SEPTIN9: variants seen among roughly 807,000 people sequenced by gnomAD.
SEPTIN9 encodes the protein septin 9, also known as septin-9.
A neutral mutation model predicts 56.6 loss-of-function variants in SEPTIN9; 13 were observed. That is an observed-to-expected ratio of 0.23 (90% CI 0.15 to 0.37). The LOEUF (loss-of-function observed/expected upper bound fraction) is 0.37, where lower values mean the gene tolerates loss of function less well. Ranked by LOEUF, SEPTIN9 falls within the 10% of genes least tolerant of loss-of-function variation. The pLI, the probability that SEPTIN9 is intolerant of heterozygous loss-of-function variation, is 1.00. For missense variants in SEPTIN9, 650 were observed against 823.1 expected (o/e 0.79, Z 2.57); for synonymous variants, 332 against 334.1 (o/e 0.99, Z 0.07).
intron 3 of SEPTIN9, among the ~76,000 whole-genome samples, chr17:77,417,949 G>T (rs1013568669): frequency 6.6e-6 from 1 of 152,200 alleles, no homozygotes; most frequent in African/African-American, 2.4e-5. Flanking sequence ...CTCGGGGTCT[G>T]GTGGCACCTG....
intron 2 of SEPTIN9, among the ~76,000 whole-genome samples, chr17:77,394,250 AAGG>A (rs2035633825): frequency 6.6e-6 from 1 of 152,174 alleles, no homozygotes; most frequent in Admixed American, 6.5e-5. Flanking sequence ...GAGTGAAGAC[AAGG>A]AGGTGCCCAT....
At chr17:77,379,670 C>T (rs960586648) in intron 2 of SEPTIN9, among the ~76,000 whole-genome samples, 1 of 152,236 alleles carries the variant, frequency 6.6e-6, no homozygotes, top group Non-Finnish European at 1.5e-5. Flanking sequence ...GTTGCCATCT[C>T]TTCCCTTTGC....
At chr17:77,373,810 C>CT in intron 2 of SEPTIN9, 1 of 525,438 alleles carries the variant, frequency 1.9e-6, no homozygotes, top group Non-Finnish European at 3.0e-6. Flanking sequence ...GTTCTGCGCA[C>CT]TGCCGCCTGG....
chr17:77,416,808 C>T (rs1241152629), intron 3 of SEPTIN9, among the ~76,000 whole-genome samples: 2 of 152,190 alleles, frequency 1.3e-5, no homozygotes, highest in African/African-American at 2.4e-5. Context: ...GTCTCTGACA[C>T]TCCCAGTCAC....
intron 1 of SEPTIN9, among the ~76,000 whole-genome samples, chr17:77,285,969 G>A (rs1172904814): frequency 1.3e-5 from 2 of 152,232 alleles, no homozygotes; most frequent in Admixed American, 6.5e-5. Flanking sequence ...GGTGACAGGC[G>A]AGCGTGGGAA....
intron 3 of SEPTIN9, among the ~76,000 whole-genome samples, chr17:77,447,655 C>T (rs895463485): frequency 5.9e-5 from 9 of 152,330 alleles, no homozygotes; most frequent in African/African-American, 1.7e-4. Context: ...GACGAAGTCT[C>T]GCTCTGTCGC....
chr17:77,304,668 C>T (rs1378843416), intron 1 of SEPTIN9, among the ~76,000 whole-genome samples: 12 of 152,244 alleles, frequency 7.9e-5, no homozygotes, highest in Admixed American at 6.5e-4. Context: ...CTTTGCTGGG[C>T]GGCCCCTCCT....
At position 77,500,349 on chromosome 17, in the gene SEPTIN9, G is replaced by A; in HGVS notation, c.*1691G>A. Reference sequence around the variant, plus strand: ...TGGCCAGCGCCAGGGCCCAGGCCATGTGGCCTGCCCAGCCTCAATGTCACT... The same window carrying A: ...TGGCCAGCGCCAGGGCCCAGGCCATATGGCCTGCCCAGCCTCAATGTCACT... On this transcript the variant is annotated 3_prime_UTR_variant, in exon 12 of 12. Coordinates refer to ENST00000427177, the MANE Select transcript of SEPTIN9 (RefSeq NM_001113491.2). The A allele has an allele frequency of 4.5e-6, 1 of 223,106 alleles. No individual in the cohort carries two copies. Among genetic ancestry groups the A allele is most frequent in the Middle Eastern group, 1.4e-3 (1 of 724 alleles). 13.8% of individuals were successfully genotyped at this position (223,106 alleles called of 1,614,324 possible).
intron 2 of SEPTIN9, among the ~76,000 whole-genome samples, chr17:77,390,611 C>T (rs2035507681): frequency 6.6e-6 from 1 of 151,698 alleles, no homozygotes; most frequent in African/African-American, 2.4e-5. Context: ...GCCACCACGC[C>T]CGGCTAATTT....
Position 77,350,410 on chromosome 17 carries a change from C to T in SEPTIN9, c.76+43213C>T, listed in dbSNP as rs1321998035. On this transcript the variant is annotated intron_variant, in intron 2 of 11. Coordinates refer to ENST00000427177, the MANE Select transcript of SEPTIN9 (RefSeq NM_001113491.2). ...TAGCTGGGGGGCTACCAGTGGCATG[C>T]AGGAGGCCCACATGACCACTGTTTG... Among the ~76,000 whole-genome samples the T allele has an allele frequency of 2.0e-5, 3 of 152,356 alleles. No homozygotes were observed. In the East Asian group the frequency reaches 5.8e-4, roughly 29 times the overall value.
chr17:77,497,617 TC>T, intron 11 of SEPTIN9: 1 of 580,680 alleles, frequency 1.7e-6, no homozygotes, highest in African/African-American at 1.9e-5. Flanking sequence ...TGAGCTTTGA[TC>T]CACTGTGGTC....
rs1025349305 is a variant in SEPTIN9, at chr17:77,319,952, C to A, written c.76+12755C>A. 7 of 1,165,576 alleles carry A rather than the reference C, an allele frequency of 6.0e-6. No homozygotes were observed. Among genetic ancestry groups the A allele is most frequent in the Non-Finnish European group, 7.4e-6 (7 of 941,128 alleles). The allele number at this position is 1,165,576 out of a possible 1,614,324, so 72.2% of individuals were successfully genotyped here. A position where few individuals can be genotyped will look rare whatever the true frequency, so the allele number is the denominator to read the frequency against. On this transcript the variant is annotated intron_variant, in intron 2 of 11. Transcript: ENST00000427177. This position sits in a 1 kb window ranked among gnomAD's most constrained non-coding sequence, Gnocchi z 5.3. Reference sequence around the variant, plus strand: ...GGACCTCTGCAGCCACCGACCAGACCGGGCGGCCGGGACTCTGGGACTCTC... The same window carrying A: ...GGACCTCTGCAGCCACCGACCAGACAGGGCGGCCGGGACTCTGGGACTCTC...
chr17:77,466,882 G>A (rs1341970294), intron 3 of SEPTIN9, among the ~76,000 whole-genome samples: 1 of 152,112 alleles, frequency 6.6e-6, no homozygotes, highest in Non-Finnish European at 1.5e-5. Flanking sequence ...GCACAGCACC[G>A]GTCAGCCCTG....
rs1338545788 is a variant in SEPTIN9 at position 77,389,692 on chromosome 17, AC to A, written c.77-12366del. Among the ~76,000 whole-genome samples, 2 of 151,410 alleles carry A rather than the reference AC, an allele frequency of 1.3e-5. No homozygotes were observed. The highest frequency in any genetic ancestry group is 2.9e-5 in the Non-Finnish European group (2 of 67,838). On this transcript the variant is annotated intron_variant, in intron 2 of 11. Coordinates refer to ENST00000427177, the MANE Select transcript of SEPTIN9 (RefSeq NM_001113491.2). The surrounding 1 kb of genome is among the most constrained non-coding windows in gnomAD (Gnocchi z 4.3). ...ACCCTTCTGCTGCCTTCCACCAGGG[AC>A]GGAGGGTGGGCGGCCCTCCCACCCA... is the stretch of plus-strand genomic sequence containing the variant.
At chr17:77,403,915 G>A (rs137991624) in intron 3 of SEPTIN9, among the ~76,000 whole-genome samples, 14 of 152,216 alleles carry the variant, frequency 9.2e-5, no homozygotes, top group Non-Finnish European at 1.3e-4. Flanking sequence ...CTCCGTCCCC[G>A]TTAGACCAAG....
At chr17:77,287,062 C>T (rs546285041) in intron 1 of SEPTIN9, among the ~76,000 whole-genome samples, 27 of 152,382 alleles carry the variant, frequency 1.8e-4, no homozygotes, top group Admixed American at 3.9e-4. Flanking sequence ...GCTGTGGCCC[C>T]ATGGCTCACT....
At chr17:77,498,385 G>A (rs932685476) in intron 11 of SEPTIN9, 138 bp from the exon 12 acceptor site, 2 of 647,890 alleles carry the variant, frequency 3.1e-6, no homozygotes, top group Non-Finnish European at 5.5e-6. Context: ...ACCCCATGGG[G>A]AGCCAAGCAG....
In SEPTIN9 at chr17:77,381,932, G is replaced by A. The variant is rs143579580; in HGVS notation, c.77-20127G>A. 2.7e-3 allele frequency among the ~76,000 whole-genome samples: 410 copies of A among 152,320 alleles called. 1 individual carries two copies. Among genetic ancestry groups the A allele is most frequent in the African/African-American group, 9.4e-3 (392 of 41,580 alleles). ...GGGTAGAACGGGAGGGCTTCCTGGA[G>A]GAAGGCTTCCTAACCAGAGACCGGG... On this transcript the variant is annotated intron_variant, in intron 2 of 11. Coordinates refer to ENST00000427177, the MANE Select transcript of SEPTIN9 (RefSeq NM_001113491.2).
rs138211391 is a variant in SEPTIN9 at position 77,382,258 on chromosome 17, A to C, written c.77-19801A>C. 7.9e-3 allele frequency among the ~76,000 whole-genome samples: 1,198 copies of C among 152,154 alleles called. 13 individuals are homozygous for C. The highest frequency in any genetic ancestry group is 0.026 in the African/African-American group (1,094 of 41,508). ...TGGCCAGGCTGGTCTCAAACTCCTT[A>C]CCTCAGGTGATCCGCCCACCTTGGC... On this transcript the variant is annotated intron_variant, in intron 2 of 11. Coordinates refer to ENST00000427177, the MANE Select transcript of SEPTIN9 (RefSeq NM_001113491.2).
Sources: gnomAD v4.1 joint callset for allele counts (sites outside exome capture counted in the v4.1 genomes callset) on GRCh38, gnomAD v4.1.1 for gene constraint, Gnocchi (gnomAD v3.1) non-coding constraint, MANE v1.5 for transcripts, NCBI Gene and HGNC (gene_info 2026-07-23, HGNC 2026-07-21) for gene names.